The following MARK1 variants were observed in gnomAD, a reference collection of about 807,000 sequenced individuals.
MARK1 encodes serine/threonine-protein kinase MARK1.
A neutral mutation model predicts 96.3 loss-of-function variants in MARK1; 40 were observed. The observed-to-expected ratio is 0.42, with a 90% CI of 0.32 to 0.54. The LOEUF (loss-of-function observed/expected upper bound fraction) is 0.54. Ranked by LOEUF, MARK1 falls within the 20% of genes least tolerant of loss-of-function variation. The pLI is 0.16. For synonymous variants in MARK1, 317 were observed against 341.2 expected, an observed-to-expected ratio of 0.93 and a Z score of 0.78; for missense variants, 719 against 984.6, an observed-to-expected ratio of 0.73 and a Z score of 3.61.
At chr1:220,562,255 A>G (rs1047385764) in intron 1 of MARK1, among the ~76,000 whole-genome samples, 6 of 152,158 alleles carry the variant, frequency 3.9e-5, no homozygotes, top group African/African-American at 1.4e-4. Context: ...ACTTGAGGCC[A>G]GGAGTTTGAC....
chr1:220,560,220 CATA>C (rs1662572774), intron 1 of MARK1, among the ~76,000 whole-genome samples: 1 of 152,146 alleles, frequency 6.6e-6, no homozygotes, highest in Non-Finnish European at 1.5e-5. Context: ...TCCCACAACA[CATA>C]AGAGTTATGG....
intron 2 of MARK1, among the ~76,000 whole-genome samples, chr1:220,580,679 A>C (rs757931071): frequency 2.6e-5 from 4 of 152,310 alleles, no homozygotes; most frequent in Non-Finnish European, 4.4e-5. Flanking sequence ...TTGGATATCC[A>C]ATCTCTCTAC....
intron 1 of MARK1, among the ~76,000 whole-genome samples, chr1:220,536,891 CTT>C (rs919747360): frequency 3.9e-5 from 6 of 152,126 alleles, no homozygotes; most frequent in African/African-American, 1.4e-4. Context: ...CCAGTCCTCT[CTT>C]GTTAGATATT....
intron 1 of MARK1, among the ~76,000 whole-genome samples, chr1:220,566,558 G>C (rs1170285757): frequency 6.6e-6 from 1 of 152,172 alleles, no homozygotes; most frequent in Non-Finnish European, 1.5e-5. Context: ...GGTGATGTGA[G>C]TGGATGTAAA....
At chr1:220,590,386 G>A (rs762787443) in intron 3 of MARK1, among the ~76,000 whole-genome samples, 1 of 152,132 alleles carries the variant, frequency 6.6e-6, no homozygotes, top group Non-Finnish European at 1.5e-5. Context: ...AAGGTGTGTA[G>A]GCAGGTTTGG....
chr1:220,626,597 G>A (rs1667350959), intron 9 of MARK1: 1 of 381,926 alleles, frequency 2.6e-6, no homozygotes, highest in African/African-American at 2.1e-5. Flanking sequence ...CCAGGCAGGA[G>A]AATCACTTGA....
intron 13 of MARK1, among the ~76,000 whole-genome samples, chr1:220,639,499 T>G (rs956305348): frequency 2.0e-5 from 3 of 152,204 alleles, no homozygotes; most frequent in African/African-American, 7.2e-5. Flanking sequence ...TTTGGTGAAG[T>G]GTTCAGAGTT....
chr1:220,629,260 A>C (rs748836059), intron 9 of MARK1, among the ~76,000 whole-genome samples: 5 of 152,088 alleles, frequency 3.3e-5, no homozygotes, highest in Non-Finnish European at 5.9e-5. Context: ...AAAGTGAACA[A>C]TCTTTCTAAA....
chr1:220,587,258 T>C (rs1664685302), intron 3 of MARK1, among the ~76,000 whole-genome samples: 1 of 151,254 alleles, frequency 6.6e-6, no homozygotes, highest in Non-Finnish European at 1.5e-5. Flanking sequence ...AGTCTCTCCT[T>C]TCCTTCCTTC....
At chr1:220,586,011 A>ACACACACACGCGCG (rs112968910) in intron 3 of MARK1, among the ~76,000 whole-genome samples, 1 of 148,536 alleles carries the variant, frequency 6.7e-6, no homozygotes, top group South Asian at 2.1e-4. Context: ...ACACACACAC[A>ACACACACACGCGCG]CGCGCGCGTG....
intron 1 of MARK1, among the ~76,000 whole-genome samples, chr1:220,552,313 TG>T (rs954050046): frequency 2.6e-5 from 4 of 152,174 alleles, no homozygotes; most frequent in African/African-American, 9.6e-5. Context: ...AGGATAATAG[TG>T]AGAACAGCTA....
At chr1:220,557,995 T>A (rs936914793) in intron 1 of MARK1, among the ~76,000 whole-genome samples, 1 of 151,932 alleles carries the variant, frequency 6.6e-6, no homozygotes, top group Non-Finnish European at 1.5e-5. Flanking sequence ...CTGGGCATGC[T>A]GGCATGCACC....
chr1:220,649,080 T>C (rs1249274814), intron 13 of MARK1, among the ~76,000 whole-genome samples: 1 of 152,210 alleles, frequency 6.6e-6, no homozygotes, highest in Non-Finnish European at 1.5e-5. Flanking sequence ...ACATGTTAAA[T>C]GGGAAAGCAG....
intron 10 of MARK1, among the ~76,000 whole-genome samples, chr1:220,631,552 A>G (rs1667679501): frequency 6.6e-6 from 1 of 152,076 alleles, no homozygotes; most frequent in African/African-American, 2.4e-5. Context: ...TGTCTTAGCA[A>G]TGTTTATTCT....
intron 11 of MARK1, among the ~76,000 whole-genome samples, chr1:220,634,536 T>A (rs1346407155): frequency 6.6e-6 from 1 of 152,240 alleles, no homozygotes; most frequent in Non-Finnish European, 1.5e-5. Flanking sequence ...TGAGTACTTA[T>A]AAACTCGGAA....
rs1437640637 is a variant in MARK1, at chr1:220,663,145, A to G, written c.*979A>G. 1 of 152,566 alleles carries G rather than the reference A, an allele frequency of 6.6e-6. No individual in the cohort carries two copies. Among genetic ancestry groups the G allele is most frequent in the East Asian group, 1.9e-4 (1 of 5,188 alleles). 9.5% of individuals were successfully genotyped at this position (152,566 alleles called of 1,614,324 possible). ...CCTCAGGAATTAACTGGCATTGGGA[A>G]CATTTGCCTCATTCTCCTGCTATCC... On this transcript the variant is annotated 3_prime_UTR_variant, in exon 18 of 18. Transcript: ENST00000366917.
At position 220,528,615 on chromosome 1, in the gene MARK1, C is replaced by T. The variant is rs946644038; in HGVS notation, c.-208C>T. ...TACTGTCCGCATACCCCGGCGGCGC[C>T]GCCGCGGGAAGCGGCTCCCCCTCCT... On this transcript the variant is annotated 5_prime_UTR_variant, in exon 1 of 18. Coordinates refer to ENST00000366917, the MANE Select transcript of MARK1 (RefSeq NM_018650.5). 5.5e-5 allele frequency: 27 copies of T among 494,624 alleles called. No individual in the cohort carries two copies. The highest frequency in any genetic ancestry group is 4.7e-4 in the African/African-American group (23 of 48,556). 30.6% of individuals were successfully genotyped at this position (494,624 alleles called of 1,614,324 possible).
chr1:220,548,098 A>C (rs570054058), intron 1 of MARK1, among the ~76,000 whole-genome samples: 1 of 152,366 alleles, frequency 6.6e-6, no homozygotes, highest in Admixed American at 6.5e-5. Context: ...GATGTTTAGT[A>C]AATGTATACA....
At chr1:220,548,916 GTTTTC>G (rs1661680847) in intron 1 of MARK1, among the ~76,000 whole-genome samples, 1 of 152,172 alleles carries the variant, frequency 6.6e-6, no homozygotes, top group Non-Finnish European at 1.5e-5. Context: ...TTAGGTAAGT[GTTTTC>G]TTTTATTACC....
Sources: gnomAD v4.1 joint callset for allele counts (sites outside exome capture counted in the v4.1 genomes callset) on GRCh38, gnomAD v4.1.1 for gene constraint, MANE v1.5 for transcripts, NCBI Gene and HGNC (gene_info 2026-07-23, HGNC 2026-07-21) for gene names.